ZMAT5: variants seen among roughly 807,000 people sequenced by gnomAD.
ZMAT5 encodes the protein zinc finger matrin-type 5.
ZMAT5 carries 23 observed loss-of-function variants against 28.0 expected under a neutral mutation model. That is an observed-to-expected ratio of 0.82 (90% CI 0.59 to 1.16). ZMAT5 has a LOEUF of 1.16. ZMAT5 is among the 50% of genes most tolerant of loss of function. The pLI is 0.00. For synonymous variants in ZMAT5, 76 were observed against 84.1 expected, an observed-to-expected ratio of 0.90 and a Z score of 0.52; for missense variants, 173 against 212.7, an observed-to-expected ratio of 0.81 and a Z score of 1.16.
chr22:29,738,346 A>C lies in ZMAT5; in HGVS notation c.367T>G (p.Ser123Ala). ...WLEKRAKRLSSAPSSRAEPIR... is the reference protein window; with the variant it reads ...WLEKRAKRLSAAPSSRAEPIR... ...GACCTGTACCTGCTACTTGGGGCTG[A>C]GCTCAGCCGCTTGGCTCTCTTCTCC... The change falls in exon 5 of 6, where the codon TCA becomes GCA. Residue 123 changes from serine (S) to alanine (A), a missense_variant. Ser to Ala is a moderately conservative substitution (Grantham distance 99). Transcript: ENST00000344318. 6.2e-6 allele frequency: 10 copies of C among 1,608,544 alleles called. No individual in the cohort carries two copies. The highest frequency in any genetic ancestry group is 1.1e-5 in the South Asian group (1 of 91,000).
chr22:29,754,368 C>G (rs2078441844), intron 1 of ZMAT5, among the ~76,000 whole-genome samples: 2 of 152,366 alleles, frequency 1.3e-5, no homozygotes, highest in South Asian at 4.1e-4. Context: ...GGAGCACCAG[C>G]AGGTGAGAGT....
At chr22:29,764,516 T>C (rs895616196) in intron 1 of ZMAT5, among the ~76,000 whole-genome samples, 2 of 152,162 alleles carry the variant, frequency 1.3e-5, no homozygotes, top group African/African-American at 4.8e-5. Context: ...TTTTTGTTTG[T>C]TTTGTTTTCA....
chr22:29,740,648 AC>A lies in ZMAT5; in HGVS notation c.271+1del. 6.3e-7 allele frequency: 1 copy of A among 1,598,464 alleles called. No individual in the cohort carries two copies. The highest frequency in any genetic ancestry group is 8.5e-7 in the Non-Finnish European group (1 of 1,172,862). On this transcript the variant is annotated splice_donor_variant, in intron 4 of 5. Coordinates refer to ENST00000344318, the MANE Select transcript of ZMAT5 (RefSeq NM_001003692.2). LOFTEE classifies it high-confidence loss of function. ...CTTAGCCCAGGGCATCCCGAGACGT[AC>A]CCTCCACCTGGATGCTCAGCTCCTG... is the stretch of plus-strand genomic sequence containing the variant.
rs1015117116 is a variant in ZMAT5, at chr22:29,731,091, C to G, written c.*134G>C. The G allele has an allele frequency of 3.6e-5, 36 of 992,876 alleles. No homozygotes were observed. The highest frequency in any genetic ancestry group is 6.8e-5 in the African/African-American group (4 of 59,128). 61.5% of individuals were successfully genotyped at this position (992,876 alleles called of 1,614,324 possible). On this transcript the variant is annotated 3_prime_UTR_variant, in exon 6 of 6. Coordinates refer to ENST00000344318, the MANE Select transcript of ZMAT5 (RefSeq NM_001003692.2). Reference sequence around the variant, plus strand: ...AGGACGAGGGCTGCACTTGGTGTGGCCGTGTCCTGAGCCTCAGTGAGGCTG... The same window carrying G: ...AGGACGAGGGCTGCACTTGGTGTGGGCGTGTCCTGAGCCTCAGTGAGGCTG...
intron 2 of ZMAT5, among the ~76,000 whole-genome samples, chr22:29,745,850 G>C (rs1438952131): frequency 6.6e-6 from 1 of 152,272 alleles, no homozygotes; most frequent in Non-Finnish European, 1.5e-5. Flanking sequence ...CCCTGCGGTT[G>C]CTCAGAGTGA....
Position 29,766,899 on chromosome 22 carries a change from T to C in ZMAT5, c.-55A>G, listed in dbSNP as rs980572692. On this transcript the variant is annotated 5_prime_UTR_variant, in exon 1 of 6. Transcript: ENST00000344318. ...AGAAGGAAGTGTTCAAGTCTTCCAG[T>C]GCGGAGAAAAGAGACTAGGACTCGC... is the stretch of plus-strand genomic sequence containing the variant. 1 of 154,484 alleles carries C rather than the reference T, an allele frequency of 6.5e-6. No individual in the cohort carries two copies. The highest frequency in any genetic ancestry group is 2.4e-5 in the African/African-American group (1 of 41,456). 9.6% of individuals were successfully genotyped at this position (154,484 alleles called of 1,614,324 possible). A position where few individuals can be genotyped will look rare whatever the true frequency, so the allele number is the denominator to read the frequency against.
intron 3 of ZMAT5, 59 bp from the exon 4 acceptor site, chr22:29,740,789 G>C: frequency 6.7e-7 from 1 of 1,501,400 alleles, no homozygotes; most frequent in South Asian, 1.2e-5. Flanking sequence ...AGGGGCTGAG[G>C]GGTGCCCAGA....
chr22:29,755,663 T>C (rs564179413), intron 1 of ZMAT5, among the ~76,000 whole-genome samples: 34 of 152,354 alleles, frequency 2.2e-4, no homozygotes, highest in African/African-American at 8.2e-4. Context: ...AACTCGGTCC[T>C]AATTTGTTCA....
intron 1 of ZMAT5, among the ~76,000 whole-genome samples, chr22:29,750,950 CAT>C (rs994370266): frequency 6.6e-5 from 10 of 152,196 alleles, no homozygotes; most frequent in African/African-American, 2.2e-4. Context: ...AAAATGAAAA[CAT>C]ATAAAACCTC....
intron 1 of ZMAT5, among the ~76,000 whole-genome samples, chr22:29,754,267 C>T (rs1030794064): frequency 2.0e-5 from 3 of 152,112 alleles, no homozygotes; most frequent in South Asian, 2.1e-4. Context: ...CAGAACCATC[C>T]GGCCCCACGC....
intron 5 of ZMAT5, 128 bp from the exon 6 acceptor site, chr22:29,731,482 G>C: frequency 1.5e-6 from 2 of 1,312,590 alleles, no homozygotes; most frequent in Non-Finnish European, 2.0e-6. Flanking sequence ...TTTTCTGGAA[G>C]GCAGAGCCTC....
At chr22:29,751,972 A>T (rs1242480757) in intron 1 of ZMAT5, among the ~76,000 whole-genome samples, 1 of 152,186 alleles carries the variant, frequency 6.6e-6, no homozygotes, top group Non-Finnish European at 1.5e-5. Flanking sequence ...ATCCAAAAAA[A>T]AAAAGTCTCC....
chr22:29,752,393 G>A lies in ZMAT5; in HGVS notation c.-27-3822C>T, dbSNP rs574468408. Among the ~76,000 whole-genome samples, 60 of 152,200 alleles carry A rather than the reference G, an allele frequency of 3.9e-4. No individual in the cohort carries two copies. In the South Asian group the frequency reaches 0.012, roughly 31 times the overall value. ...CTCTCTCACCCCCTCCACTCCATGG[G>A]GGGCAAACCAGCTAATGGTTCCCTT... On this transcript the variant is annotated intron_variant, in intron 1 of 5. Coordinates refer to ENST00000344318, the MANE Select transcript of ZMAT5 (RefSeq NM_001003692.2).
chr22:29,738,767 GC>G (rs1350817984), intron 4 of ZMAT5, among the ~76,000 whole-genome samples: 1 of 152,160 alleles, frequency 6.6e-6, no homozygotes, highest in African/African-American at 2.4e-5. Context: ...ACTTTGGGAT[GC>G]CAAGGCGGGC....
At chr22:29,738,501 C>T in intron 4 of ZMAT5, 60 bp from the exon 5 acceptor site, 3 of 1,496,544 alleles carry the variant, frequency 2.0e-6, no homozygotes, top group South Asian at 1.1e-5. Context: ...CAGAACCCTA[C>T]CCTCTCACAA....
intron 2 of ZMAT5, 76 bp from the exon 3 acceptor site, chr22:29,742,556 G>T: frequency 1.5e-6 from 2 of 1,372,682 alleles, no homozygotes; most frequent in Non-Finnish European, 1.0e-6. Flanking sequence ...AGCCACAGGG[G>T]CATATGGACC....
intron 1 of ZMAT5, among the ~76,000 whole-genome samples, chr22:29,760,286 T>G (rs571831044): frequency 4.6e-5 from 7 of 151,080 alleles, no homozygotes; most frequent in African/African-American, 1.7e-4. Context: ...GGCAGGAGAA[T>G]CGCTTGAACC....
At chr22:29,752,693 A>G (rs2068065299) in intron 1 of ZMAT5, among the ~76,000 whole-genome samples, 1 of 152,220 alleles carries the variant, frequency 6.6e-6, no homozygotes, top group Admixed American at 6.5e-5. Context: ...ATCAGATGAG[A>G]AGATGCCCAA....
chr22:29,744,749 G>A (rs187116128), intron 2 of ZMAT5, among the ~76,000 whole-genome samples: 13 of 152,318 alleles, frequency 8.5e-5, no homozygotes, highest in Non-Finnish European at 1.8e-4. Flanking sequence ...AGTTTTTAAA[G>A]TACATGGACA....
Sources: gnomAD v4.1 joint callset for allele counts (sites outside exome capture counted in the v4.1 genomes callset) on GRCh38, gnomAD v4.1.1 for gene constraint, MANE v1.5 for transcripts, NCBI Gene and HGNC (gene_info 2026-07-23, HGNC 2026-07-21) for gene names.